Variants in ACTR3C observed in about 807,000 individuals in gnomAD.
The protein encoded by ACTR3C is actin related protein 3C.
Under a neutral mutation model 26.3 loss-of-function variants are expected in ACTR3C, and 18 were observed. The ratio of observed to expected loss-of-function variants is 0.68; its 90% CI spans 0.47 to 1.01. The LOEUF (loss-of-function observed/expected upper bound fraction) is 1.01. Among genes scored for constraint, ACTR3C ranks in the 50% least tolerant of loss-of-function variants. ACTR3C has a pLI of 0.00. For missense variants in ACTR3C, 184 were observed against 250.7 expected, an observed-to-expected ratio of 0.73 and a Z score of 1.80; for synonymous variants, 55 against 94.5, an observed-to-expected ratio of 0.58 and a Z score of 2.42.
the ACTR3C span, among the ~76,000 whole-genome samples, chr7:149,998,467 C>T: frequency 3.3e-5 from 5 of 149,568 alleles, no homozygotes; most frequent in Admixed American, 1.3e-4. Context: ...ACTCACAGTT[C>T]AGCATGGCTG....
chr7:150,065,244 A>ATCATGTTTG, the ACTR3C span, among the ~76,000 whole-genome samples: 1 of 152,228 alleles, frequency 6.6e-6, no homozygotes, highest in East Asian at 1.9e-4. Context: ...GAGACATCGC[A>ATCATGTTTG]TCATGTTTGT....
chr7:150,023,310 G>C, the ACTR3C span, among the ~76,000 whole-genome samples: 54,890 of 68,738 alleles, frequency 0.8, 21,301 homozygotes, highest in South Asian at 0.86. Flanking sequence ...TAGATAGATA[G>C]ATAGATACAT....
At chr7:150,219,927 C>T in the ACTR3C span, among the ~76,000 whole-genome samples, 1 of 145,786 alleles carries the variant, frequency 6.9e-6, no homozygotes, top group Non-Finnish European at 1.5e-5. Flanking sequence ...GAAAGCCTCG[C>T]AATCATGGGA....
At chr7:150,282,246 G>C (rs1396110683) in intron 6 of ACTR3C, among the ~76,000 whole-genome samples, 1 of 148,420 alleles carries the variant, frequency 6.7e-6, no homozygotes, top group East Asian at 2.0e-4. Context: ...GACCTGAGGC[G>C]ATGTGTTCCA....
the ACTR3C span, among the ~76,000 whole-genome samples, chr7:150,174,218 T>C: frequency 7.2e-6 from 1 of 139,346 alleles, no homozygotes; most frequent in Non-Finnish European, 1.5e-5. Flanking sequence ...GAAAAAGAAG[T>C]TTAACTGGAC....
At chr7:150,175,196 G>A in the ACTR3C span, among the ~76,000 whole-genome samples, 1 of 148,656 alleles carries the variant, frequency 6.7e-6, no homozygotes, top group East Asian at 1.9e-4. Context: ...AAATATTAGG[G>A]AAATCATTAT....
the ACTR3C span, among the ~76,000 whole-genome samples, chr7:150,093,190 T>C: frequency 2.6e-5 from 4 of 151,086 alleles, no homozygotes; most frequent in East Asian, 3.9e-4. Context: ...TGATTTTGCC[T>C]GGCAGCTCAT....
the ACTR3C span, among the ~76,000 whole-genome samples, chr7:149,977,149 C>G: frequency 6.6e-6 from 1 of 152,072 alleles, no homozygotes; most frequent in African/African-American, 2.4e-5. Flanking sequence ...CCTTCACATT[C>G]ATCTACCTGT....
At chr7:150,176,008 G>A in the ACTR3C span, among the ~76,000 whole-genome samples, 1 of 150,358 alleles carries the variant, frequency 6.7e-6, no homozygotes, top group Non-Finnish European at 1.5e-5. Flanking sequence ...ACGCTCTCAG[G>A]TGGAACACGA....
chr7:150,046,568 A>C, the ACTR3C span, among the ~76,000 whole-genome samples: 1 of 144,458 alleles, frequency 6.9e-6, no homozygotes, highest in Middle Eastern at 3.5e-3. Context: ...ATACATAGTA[A>C]TTTCTACAAA....
chr7:149,925,658 C>T, the ACTR3C span, among the ~76,000 whole-genome samples: 3 of 152,096 alleles, frequency 2.0e-5, no homozygotes, highest in South Asian at 2.1e-4. Context: ...CATAGCCACA[C>T]ACACACAAAA....
chr7:150,142,259 C>T, the ACTR3C span, among the ~76,000 whole-genome samples: 6 of 152,284 alleles, frequency 3.9e-5, no homozygotes, highest in East Asian at 1.2e-3. Context: ...TGGGCATGGT[C>T]AAGTGACTGA....
chr7:150,085,475 A>G, the ACTR3C span, among the ~76,000 whole-genome samples: 159 of 152,294 alleles, frequency 1.0e-3, 6 homozygotes, highest in South Asian at 0.032. Context: ...GCTGAAAAGT[A>G]AAATTAGATA....
chr7:150,207,563 C>T, the ACTR3C span, among the ~76,000 whole-genome samples: 1 of 151,850 alleles, frequency 6.6e-6, no homozygotes, highest in African/African-American at 2.4e-5. Context: ...ATTTTATTAG[C>T]TTTTGACCAT....
the ACTR3C span, among the ~76,000 whole-genome samples, chr7:150,072,477 T>C: frequency 7.3e-6 from 1 of 136,858 alleles, no homozygotes; most frequent in East Asian, 2.3e-4. Flanking sequence ...CAACAACATA[T>C]TAGGAGCTTC....
the ACTR3C span, among the ~76,000 whole-genome samples, chr7:150,072,969 T>C: frequency 2.8e-4 from 43 of 152,124 alleles, 1 homozygote; most frequent in East Asian, 7.0e-3. Flanking sequence ...ACTCCAGAAG[T>C]CTCTGTTCAT....
the ACTR3C span, among the ~76,000 whole-genome samples, chr7:150,142,348 G>A: frequency 2.6e-5 from 4 of 152,114 alleles, no homozygotes; most frequent in Admixed American, 6.5e-5. Context: ...CTACCTGCTC[G>A]GGTGGAGGGA....
At chr7:150,166,550 T>C in the ACTR3C span, among the ~76,000 whole-genome samples, 1 of 150,742 alleles carries the variant, frequency 6.6e-6, no homozygotes, top group Non-Finnish European at 1.5e-5. Context: ...AATACAAAAA[T>C]TAGCCTGGCA....
the ACTR3C span, among the ~76,000 whole-genome samples, chr7:149,907,574 T>C: frequency 6.6e-6 from 1 of 151,416 alleles, no homozygotes; most frequent in Non-Finnish European, 1.5e-5. Context: ...ACATTTGTAT[T>C]ATCCTCCTAG....
Sources: gnomAD v4.1 joint callset for allele counts (sites outside exome capture counted in the v4.1 genomes callset) on GRCh38, gnomAD v4.1.1 for gene constraint, MANE v1.5 for transcripts, NCBI Gene and HGNC (gene_info 2026-07-23, HGNC 2026-07-21) for gene names.